STAP1: variants seen among roughly 807,000 people sequenced by gnomAD.
The protein encoded by STAP1 is signal-transducing adaptor protein 1.
In STAP1, 30 loss-of-function variants were observed where a neutral mutation model predicts 37.8. That is an observed-to-expected ratio of 0.79 (90% CI 0.59 to 1.08). The LOEUF is 1.08. Ranked by LOEUF, STAP1 falls within the 50% of genes least tolerant of loss-of-function variation. The probability of loss-of-function intolerance (pLI) is 0.00; values close to 1 mark genes in which losing one functional copy is unlikely to be tolerated. For missense variants in STAP1, 357 were observed against 349.4 expected (o/e 1.02, Z -0.17); for synonymous variants, 130 against 116.0 (o/e 1.12, Z -0.78).
At chr4:67,595,341 T>C (rs1406849406) in intron 8 of STAP1, among the ~76,000 whole-genome samples, 1 of 125,656 alleles carries the variant, frequency 8.0e-6, no homozygotes, top group Non-Finnish European at 1.6e-5. Context: ...TTTGAGAGCA[T>C]CCTGGGCAAC....
In STAP1 at chr4:67,571,105, G is replaced by A; in HGVS notation, c.142G>A (p.Glu48Lys). 6.2e-7 allele frequency: 1 copy of A among 1,611,720 alleles called. No individual in the cohort carries two copies. Among genetic ancestry groups the A allele is most frequent in the South Asian group, 1.1e-5 (1 of 91,024 alleles). ...ACAGGAGTATGAGCATTACTGGACAGAGTTGAGAGGAACTACTCTTTTCTT... is the reference window on the plus strand; with the variant it reads ...ACAGGAGTATGAGCATTACTGGACAAAGTTGAGAGGAACTACTCTTTTCTT... The part of the protein sequence containing the change: ...GYREYEHYWT[E>K]LRGTTLFFYT... The change falls in exon 2 of 9, where the codon GAG becomes AAG. Residue 48 changes from glutamate (E) to lysine (K), a missense_variant. Coordinates refer to ENST00000265404, the MANE Select transcript of STAP1 (RefSeq NM_012108.4).
At position 67,562,485 on chromosome 4, in the gene STAP1, G is replaced by A. The variant is rs139710675; in HGVS notation, c.120+3556G>A. Reference sequence around the variant, plus strand: ...TCCCTAATATAAGAATATTAATTCAGCCGGGCGTGGTGGCTCACGCCTGTA... The same window carrying A: ...TCCCTAATATAAGAATATTAATTCAACCGGGCGTGGTGGCTCACGCCTGTA... On this transcript the variant is annotated intron_variant, in intron 1 of 8. Coordinates refer to ENST00000265404, the MANE Select transcript of STAP1 (RefSeq NM_012108.4). Among the ~76,000 whole-genome samples, 30 of 152,088 alleles carry A rather than the reference G, an allele frequency of 2.0e-4. No homozygotes were observed. In the East Asian group the frequency reaches 5.8e-3, roughly 29 times the overall value.
At chr4:67,602,302 C>T (rs354877) in intron 8 of STAP1, among the ~76,000 whole-genome samples, 128,393 of 151,942 alleles carry the variant, frequency 0.85, 55,530 homozygotes, top group Non-Finnish European at 0.94. Context: ...TTGAATTTAC[C>T]GTCTGAAAGT....
intron 1 of STAP1, 122 bp downstream of exon 1, chr4:67,559,051 T>C: frequency 9.7e-7 from 1 of 1,031,054 alleles, no homozygotes; most frequent in Non-Finnish European, 1.3e-6. Flanking sequence ...CTTCTCTTCT[T>C]TGAGCTCAGA....
At chr4:67,574,772 G>C (rs1287165175) in intron 2 of STAP1, among the ~76,000 whole-genome samples, 1 of 152,160 alleles carries the variant, frequency 6.6e-6, no homozygotes, top group East Asian at 1.9e-4. Flanking sequence ...GGCTGTATGT[G>C]TGCCTGAAGT....
intron 3 of STAP1, 150 bp from the exon 4 acceptor site, chr4:67,577,053 G>T: frequency 1.7e-6 from 1 of 584,788 alleles, no homozygotes. Context: ...AAATAGTATT[G>T]AAATATTTCA....
intron 1 of STAP1, among the ~76,000 whole-genome samples, chr4:67,567,616 T>C (rs747263292): frequency 1.3e-5 from 2 of 152,260 alleles, no homozygotes; most frequent in Non-Finnish European, 2.9e-5. Context: ...CCTTTGAATC[T>C]GGATTGGGTT....
At chr4:67,604,832 C>T (rs1728416732) in intron 8 of STAP1, among the ~76,000 whole-genome samples, 1 of 152,128 alleles carries the variant, frequency 6.6e-6, no homozygotes, top group African/African-American at 2.4e-5. Flanking sequence ...CTCTTACTTT[C>T]TGTGGGAAGC....
At chr4:67,605,099 C>T (rs1214425364) in intron 8 of STAP1, among the ~76,000 whole-genome samples, 2 of 152,126 alleles carry the variant, frequency 1.3e-5, no homozygotes, top group East Asian at 3.9e-4. Context: ...GCCAAGGGTC[C>T]TTTTTCCTGG....
intron 6 of STAP1, among the ~76,000 whole-genome samples, chr4:67,583,955 A>G (rs948797760): frequency 6.6e-6 from 1 of 151,950 alleles, no homozygotes; most frequent in African/African-American, 2.4e-5. Flanking sequence ...AAAATTAGCC[A>G]GGCGTGGTGG....
chr4:67,604,388 G>T (rs1728407348), intron 8 of STAP1, among the ~76,000 whole-genome samples: 2 of 152,182 alleles, frequency 1.3e-5, no homozygotes, highest in Non-Finnish European at 2.9e-5. Flanking sequence ...AGTGTAGACA[G>T]TTGTTTAATT....
At position 67,558,949 on chromosome 4, in the gene STAP1, T is replaced by C. The variant is rs747126121; in HGVS notation, c.120+20T>C. 1.9e-6 allele frequency: 3 copies of C among 1,568,272 alleles called. No individual in the cohort carries two copies. In the South Asian group the frequency reaches 3.6e-5, roughly 19 times the overall value. ...TACCGGGTGAGTCTATAGATGATAA[T>C]GTTAAACCTAAGACTTCTGTTTTAA... is the stretch of plus-strand genomic sequence containing the variant. On this transcript the variant is annotated intron_variant, in intron 1 of 8. Transcript: ENST00000265404.
intron 1 of STAP1, among the ~76,000 whole-genome samples, chr4:67,569,051 A>G (rs1335196715): frequency 6.6e-6 from 1 of 152,238 alleles, no homozygotes; most frequent in African/African-American, 2.4e-5. Flanking sequence ...ATCACGGAGT[A>G]TACTTATGCA....
intron 6 of STAP1, among the ~76,000 whole-genome samples, chr4:67,587,846 G>A (rs1225355064): frequency 1.3e-5 from 2 of 149,944 alleles, no homozygotes; most frequent in African/African-American, 4.9e-5. Flanking sequence ...TCAGCCTCCC[G>A]AGTAGCTGGG....
chr4:67,606,218 C>A, intron 8 of STAP1, 78 bp from the exon 9 acceptor site: 2 of 1,197,040 alleles, frequency 1.7e-6, no homozygotes, highest in South Asian at 1.4e-5. Flanking sequence ...GCAGGAAAAT[C>A]AACTCACTGA....
chr4:67,570,532 T>C (rs573455162), intron 1 of STAP1, among the ~76,000 whole-genome samples: 2 of 152,266 alleles, frequency 1.3e-5, no homozygotes, highest in Non-Finnish European at 2.9e-5. Context: ...AGTGGTGGCA[T>C]GGGCCTGTAG....
intron 1 of STAP1, among the ~76,000 whole-genome samples, chr4:67,566,253 C>A (rs983723782): frequency 1.3e-5 from 2 of 151,892 alleles, no homozygotes; most frequent in African/African-American, 4.8e-5. Flanking sequence ...TGGCCCTCTT[C>A]CCTCTTTTTT....
At chr4:67,578,549 G>A (rs956539803) in intron 4 of STAP1, among the ~76,000 whole-genome samples, 2 of 151,462 alleles carry the variant, frequency 1.3e-5, no homozygotes, top group African/African-American at 4.9e-5. Context: ...GAATCCTGGG[G>A]AATTGCACTC....
intron 8 of STAP1, among the ~76,000 whole-genome samples, chr4:67,605,275 G>A (rs927542863): frequency 6.6e-6 from 1 of 151,926 alleles, no homozygotes; most frequent in African/African-American, 2.4e-5. Context: ...CTGGCTGGAA[G>A]GCTAAATTTT....
Sources: gnomAD v4.1 joint callset for allele counts (sites outside exome capture counted in the v4.1 genomes callset) on GRCh38, gnomAD v4.1.1 for gene constraint, MANE v1.5 for transcripts, NCBI Gene and HGNC (gene_info 2026-07-23, HGNC 2026-07-21) for gene names.